The following KLF12 variants were observed in gnomAD, a reference collection of about 807,000 sequenced individuals.
KLF12 encodes KLF transcription factor 12, also known as Krueppel-like factor 12.
KLF12 carries 9 observed loss-of-function variants against 37.8 expected under a neutral mutation model. The ratio of observed to expected loss-of-function variants is 0.24; its 90% CI spans 0.14 to 0.42. The LOEUF is 0.42. KLF12 is among the 10% of genes least tolerant of loss of function. KLF12 has a pLI of 1.00. For missense variants in KLF12, 411 were observed against 516.0 expected, an observed-to-expected ratio of 0.80 and a Z score of 1.97; for synonymous variants, 208 against 202.1, an observed-to-expected ratio of 1.03 and a Z score of -0.25.
At chr13:74,271,278 T>C in the KLF12 span, among the ~76,000 whole-genome samples, 7 of 152,284 alleles carry the variant, frequency 4.6e-5, no homozygotes, top group Non-Finnish European at 8.8e-5. Flanking sequence ...TAAATTAGAA[T>C]AACTTTCTGT....
intron 3 of KLF12, among the ~76,000 whole-genome samples, chr13:73,942,675 A>G (rs1420887319): frequency 1.3e-5 from 2 of 152,136 alleles, no homozygotes; most frequent in Admixed American, 6.5e-5. Context: ...ATGATCCTCT[A>G]CTGCCTGTGT....
At chr13:73,738,262 A>G (rs1594030612) in intron 6 of KLF12, among the ~76,000 whole-genome samples, 1 of 150,998 alleles carries the variant, frequency 6.6e-6, no homozygotes, top group Non-Finnish European at 1.5e-5. Flanking sequence ...CTCCTGCCTC[A>G]GCCTCCCAAG....
chr13:73,912,528 T>A, intron 3 of KLF12, among the ~76,000 whole-genome samples: 1 of 151,750 alleles, frequency 6.6e-6, no homozygotes, highest in East Asian at 1.9e-4. Context: ...GAGACAGAGA[T>A]TGGAGTGACA....
chr13:74,106,768 A>G (rs1340717282), intron 1 of KLF12, among the ~76,000 whole-genome samples: 1 of 152,216 alleles, frequency 6.6e-6, no homozygotes, highest in East Asian at 1.9e-4. Context: ...CAAAGACAGT[A>G]AGGTGTGTAG....
chr13:74,117,923 A>G (rs1445154972), intron 1 of KLF12, among the ~76,000 whole-genome samples: 1 of 152,226 alleles, frequency 6.6e-6, no homozygotes, highest in East Asian at 1.9e-4. Flanking sequence ...AACTCAAAGC[A>G]ATATGGTACT....
intron 3 of KLF12, among the ~76,000 whole-genome samples, chr13:73,916,279 TTAA>T (rs1888843176): frequency 6.6e-6 from 1 of 151,228 alleles, no homozygotes; most frequent in African/African-American, 2.4e-5. Flanking sequence ...CTTTAAAGTG[TTAA>T]TAATTTTACA....
chr13:74,146,876 G>T, the KLF12 span, among the ~76,000 whole-genome samples: 1 of 152,314 alleles, frequency 6.6e-6, no homozygotes, highest in East Asian at 1.9e-4. Context: ...AGATGGAGCT[G>T]AGATTTGCAC....
At chr13:73,887,405 G>A (rs560111867) in intron 3 of KLF12, among the ~76,000 whole-genome samples, 4 of 152,104 alleles carry the variant, frequency 2.6e-5, no homozygotes, top group Non-Finnish European at 5.9e-5. Context: ...CCATGGTAAC[G>A]AGTGTGTTCT....
chr13:74,058,782 T>C (rs967699605), intron 1 of KLF12, among the ~76,000 whole-genome samples: 1 of 152,230 alleles, frequency 6.6e-6, no homozygotes, highest in African/African-American at 2.4e-5. Context: ...ACTTGGATTG[T>C]TGTTCTTATT....
At chr13:73,961,441 T>C (rs9318236) in intron 2 of KLF12, among the ~76,000 whole-genome samples, 110,249 of 151,890 alleles carry the variant, frequency 0.73, 40,822 homozygotes, top group East Asian at 0.89. Flanking sequence ...AGTCCCGAAA[T>C]TGGAGACAAA....
At chr13:73,865,515 A>G (rs1886128836) in intron 3 of KLF12, among the ~76,000 whole-genome samples, 3 of 152,210 alleles carry the variant, frequency 2.0e-5, no homozygotes, top group Non-Finnish European at 4.4e-5. Context: ...GAAACACAAG[A>G]AAAGGAACTA....
At chr13:74,165,891 G>C in the KLF12 span, among the ~76,000 whole-genome samples, 1 of 152,084 alleles carries the variant, frequency 6.6e-6, no homozygotes, top group Non-Finnish European at 1.5e-5. Flanking sequence ...GAGGTTAGAG[G>C]ACCTCTGCCC....
intron 6 of KLF12, among the ~76,000 whole-genome samples, chr13:73,732,250 AT>A (rs879472800): frequency 9.8e-4 from 143 of 146,182 alleles, no homozygotes; most frequent in African/African-American, 2.4e-3. Context: ...CACCTGGCTA[AT>A]TTTTTTTTTT....
the KLF12 span, among the ~76,000 whole-genome samples, chr13:74,144,924 C>T: frequency 1.5e-4 from 23 of 152,044 alleles, no homozygotes; most frequent in Admixed American, 8.5e-4. Flanking sequence ...ACAAATTTTC[C>T]CATATGAATA....
intron 1 of KLF12, among the ~76,000 whole-genome samples, chr13:74,097,905 C>G (rs1435108005): frequency 6.6e-6 from 1 of 152,022 alleles, no homozygotes; most frequent in Non-Finnish European, 1.5e-5. Flanking sequence ...TCTGCTGACC[C>G]ACCATGCAGA....
At chr13:73,755,009 CTG>C (rs1487651612) in intron 6 of KLF12, among the ~76,000 whole-genome samples, 2 of 152,156 alleles carry the variant, frequency 1.3e-5, no homozygotes, top group East Asian at 3.8e-4. Context: ...GCCTTATGGA[CTG>C]TGCAGTTTGG....
rs146325861 is a variant in KLF12 at position 73,892,855 on chromosome 13, T to C, written c.124-46482A>G. Among the ~76,000 whole-genome samples, 1,097 of 152,238 alleles carry C rather than the reference T, an allele frequency of 7.2e-3. 8 individuals are homozygous for C. Among genetic ancestry groups the C allele is most frequent in the African/African-American group, 0.011 (468 of 41,550 alleles). ...TTGCTTATATTTGTGGGAATAGAGG[T>C]GGGTAGGGTGAAGCTACTACTCTTT... On this transcript the variant is annotated intron_variant, in intron 3 of 7. Transcript: ENST00000377669.
the KLF12 span, among the ~76,000 whole-genome samples, chr13:74,260,445 T>G: frequency 7.9e-5 from 12 of 151,824 alleles, no homozygotes; most frequent in East Asian, 2.1e-3. Flanking sequence ...TCCTAGCTAC[T>G]TGGGAGACTG....
chr13:74,217,918 C>A, the KLF12 span, among the ~76,000 whole-genome samples: 6 of 152,162 alleles, frequency 3.9e-5, no homozygotes, highest in African/African-American at 1.4e-4. Flanking sequence ...TGTATAACCC[C>A]AACTCTTCCA....
Sources: allele counts gnomAD v4.1 joint callset (sites outside exome capture counted in the v4.1 genomes callset), GRCh38; gene constraint gnomAD v4.1.1; transcripts MANE v1.5; gene names NCBI Gene and HGNC (gene_info 2026-07-23, HGNC 2026-07-21).